Variants in GTF2I observed in about 807,000 individuals in gnomAD.
The protein encoded by GTF2I is general transcription factor II-I.
In GTF2I, 12 loss-of-function variants were observed where a neutral mutation model predicts 67.6. The ratio of observed to expected loss-of-function variants is 0.18; its 90% CI spans 0.11 to 0.29. The LOEUF (loss-of-function observed/expected upper bound fraction) is 0.29. Among genes scored for constraint, GTF2I ranks in the 10% least tolerant of loss-of-function variants. GTF2I has a pLI of 1.00. For synonymous variants in GTF2I, 149 were observed against 197.0 expected (o/e 0.76, Z 2.04); for missense variants, 271 against 580.1 (o/e 0.47, Z 5.47).
chr7:74,699,001 G>T lies in GTF2I; in HGVS notation c.279G>T (p.Met93Ile). Reference sequence around the variant, plus strand: ...AAAAAGCTGCAGAGATGCATAAAATGAAATCTACAACCCAGGCAAATCGGA... The same window carrying T: ...AAAAAGCTGCAGAGATGCATAAAATTAAATCTACAACCCAGGCAAATCGGA... ...EEEKAAEMHK[M>I]KSTTQANRMS... is the part of the protein sequence containing the mutation. The change falls in exon 4 of 35, where the codon ATG (methionine) becomes ATT (isoleucine). Residue 93 changes from methionine (M) to isoleucine (I), a missense_variant. Transcript: ENST00000573035. The T allele has an allele frequency of 6.6e-7, 1 of 1,506,888 alleles. No individual in the cohort carries two copies. The highest frequency in any genetic ancestry group is 2.0e-5 in the Admixed American group (1 of 50,960). 93.3% of individuals were successfully genotyped at this position (1,506,888 alleles called of 1,614,324 possible).
chr7:74,666,963 G>A (rs1805038218), intron 1 of GTF2I, among the ~76,000 whole-genome samples: 1 of 152,024 alleles, frequency 6.6e-6, no homozygotes, highest in Non-Finnish European at 1.5e-5. Context: ...CTGGGTGACA[G>A]TGTGACACTC....
At chr7:74,717,813 G>A (rs1163843429) in intron 11 of GTF2I, among the ~76,000 whole-genome samples, 1 of 152,078 alleles carries the variant, frequency 6.6e-6, no homozygotes, top group African/African-American at 2.4e-5. Flanking sequence ...AGTATAGGCT[G>A]GTTTCTCCAA....
intron 11 of GTF2I, 59 bp from the exon 12 acceptor site, chr7:74,718,820 G>A: frequency 2.4e-6 from 2 of 827,758 alleles, no homozygotes; most frequent in Non-Finnish European, 3.8e-6. Flanking sequence ...GTAAAATGTT[G>A]GAACATATGG....
intron 1 of GTF2I, among the ~76,000 whole-genome samples, chr7:74,661,675 G>C (rs1554386649): frequency 2.6e-5 from 2 of 76,482 alleles, no homozygotes; most frequent in African/African-American, 1.2e-4. Context: ...GCGAGACTGT[G>C]TCTCAAAAAA....
At chr7:74,671,246 C>G (rs1805425372) in intron 1 of GTF2I, among the ~76,000 whole-genome samples, 1 of 151,680 alleles carries the variant, frequency 6.6e-6, no homozygotes, top group African/African-American at 2.4e-5. Flanking sequence ...ACCACCACAC[C>G]CGGCTAATTT....
At chr7:74,679,251 T>C (rs1786996438) in intron 1 of GTF2I, among the ~76,000 whole-genome samples, 1 of 151,736 alleles carries the variant, frequency 6.6e-6, no homozygotes, top group African/African-American at 2.4e-5. Context: ...TATTTTTGTA[T>C]TTTTAGTAGA....
intron 8 of GTF2I, among the ~76,000 whole-genome samples, chr7:74,709,236 A>G (rs1554402094): frequency 6.6e-6 from 1 of 151,956 alleles, no homozygotes; most frequent in African/African-American, 2.4e-5. Context: ...TTTTGGATTT[A>G]CCTTTTTATT....
At chr7:74,670,286 AG>A (rs1805338472) in intron 1 of GTF2I, among the ~76,000 whole-genome samples, 1 of 152,184 alleles carries the variant, frequency 6.6e-6, no homozygotes, top group Admixed American at 6.6e-5. Flanking sequence ...AAAGAATCCC[AG>A]GGTCACCTGT....
chr7:74,721,964 C>T (rs192040737), intron 12 of GTF2I, among the ~76,000 whole-genome samples: 5 of 152,096 alleles, frequency 3.3e-5, no homozygotes, highest in South Asian at 2.1e-4. Context: ...GGTAGGAAGA[C>T]GGACAAAAAT....
chr7:74,723,761 C>T (rs1057099664), intron 12 of GTF2I, among the ~76,000 whole-genome samples: 4 of 151,602 alleles, frequency 2.6e-5, no homozygotes, highest in Non-Finnish European at 4.4e-5. Context: ...GTGAATAATT[C>T]AGTGGCAAAT....
chr7:74,709,288 G>A (rs782121491), intron 8 of GTF2I, among the ~76,000 whole-genome samples: 7 of 151,888 alleles, frequency 4.6e-5, no homozygotes, highest in South Asian at 2.1e-4. Context: ...TCACTCTGTC[G>A]TCCAGACTGG....
chr7:74,709,343 G>A (rs1345791646), intron 8 of GTF2I, among the ~76,000 whole-genome samples: 1 of 152,156 alleles, frequency 6.6e-6, no homozygotes, highest in Non-Finnish European at 1.5e-5. Flanking sequence ...CCGTGTCTCA[G>A]ATTCAAGCGA....
chr7:74,697,669 C>T (rs1325780919), intron 3 of GTF2I, among the ~76,000 whole-genome samples: 1 of 152,184 alleles, frequency 6.6e-6, no homozygotes, highest in Non-Finnish European at 1.5e-5. Flanking sequence ...TATAGCTACA[C>T]TTATTTCAGA....
chr7:74,701,140 G>A (rs188891464), intron 6 of GTF2I, among the ~76,000 whole-genome samples: 1 of 152,302 alleles, frequency 6.6e-6, no homozygotes, highest in Admixed American at 6.5e-5. Flanking sequence ...GAGTTCATGA[G>A]GAAGAGAGCA....
At chr7:74,734,354 TAAG>T (rs1357869714) in intron 16 of GTF2I, among the ~76,000 whole-genome samples, 1 of 145,142 alleles carries the variant, frequency 6.9e-6, no homozygotes, top group Non-Finnish European at 1.5e-5. Context: ...ATGCAGGACA[TAAG>T]AAGGTTTCCT....
At chr7:74,679,048 G>T (rs1404554320) in intron 1 of GTF2I, among the ~76,000 whole-genome samples, 4 of 150,256 alleles carry the variant, frequency 2.7e-5, no homozygotes, top group African/African-American at 9.8e-5. Flanking sequence ...GGGATTACAG[G>T]CATGAGCCAC....
intron 3 of GTF2I, among the ~76,000 whole-genome samples, chr7:74,693,085 T>G (rs1554397470): frequency 6.6e-6 from 1 of 151,922 alleles, no homozygotes; most frequent in African/African-American, 2.4e-5. Flanking sequence ...TTTTTTTTTT[T>G]GTGCCTTGCA....
chr7:74,675,702 T>C (rs782766324), intron 1 of GTF2I, among the ~76,000 whole-genome samples: 33 of 151,966 alleles, frequency 2.2e-4, no homozygotes, highest in Non-Finnish European at 4.1e-4. Context: ...TTTTACAGTG[T>C]ATAGTGTGGT....
At chr7:74,714,287 A>G (rs1420857120) in intron 9 of GTF2I, among the ~76,000 whole-genome samples, 1 of 152,112 alleles carries the variant, frequency 6.6e-6, no homozygotes, top group African/African-American at 2.4e-5. Flanking sequence ...CTTATTAGAA[A>G]AAGTGCCCGC....
Sources: allele counts gnomAD v4.1 joint callset (sites outside exome capture counted in the v4.1 genomes callset), GRCh38; gene constraint gnomAD v4.1.1; transcripts MANE v1.5; gene names NCBI Gene and HGNC (gene_info 2026-07-23, HGNC 2026-07-21).